The following DLC1 variants were observed in gnomAD, a reference collection of about 807,000 sequenced individuals.
DLC1 encodes rho GTPase-activating protein 7.
DLC1 carries 54 observed loss-of-function variants against 140.3 expected under a neutral mutation model. That is an observed-to-expected ratio of 0.38 (90% CI 0.31 to 0.48). DLC1 has a LOEUF of 0.48. Ranked by LOEUF, DLC1 falls within the 20% of genes least tolerant of loss-of-function variation. The probability of loss-of-function intolerance (pLI) is 0.96; values close to 1 mark genes in which losing one functional copy is unlikely to be tolerated. For missense variants in DLC1, 2,536 were observed against 1,907.0 expected (o/e 1.33, Z -6.14); for synonymous variants, 986 against 728.1 (o/e 1.35, Z -5.70).
At chr8:13,437,001 T>C (rs1025025694) in intron 2 of DLC1, among the ~76,000 whole-genome samples, 2 of 152,228 alleles carry the variant, frequency 1.3e-5, no homozygotes, top group African/African-American at 4.8e-5. Flanking sequence ...TTGGTTTTGA[T>C]ATTGTCATGT....
chr8:13,413,292 C>T (rs1394174700), intron 2 of DLC1, among the ~76,000 whole-genome samples: 13 of 46,332 alleles, frequency 2.8e-4, no homozygotes, highest in South Asian at 8.4e-4. Flanking sequence ...CATCAACTAT[C>T]GTTAGTGTTA....
intron 2 of DLC1, among the ~76,000 whole-genome samples, chr8:13,410,182 A>G (rs59738897): frequency 0.048 from 7,315 of 152,206 alleles, 572 homozygotes; most frequent in African/African-American, 0.16. Context: ...AACAAAATAA[A>G]TTAAAATTAA....
chr8:13,100,115 C>G lies in DLC1; in HGVS notation c.2222G>C (p.Ser741Thr), dbSNP rs2128937144. The G allele has an allele frequency of 6.2e-7, 1 of 1,613,634 alleles. No homozygotes were observed. The highest frequency in any genetic ancestry group is 8.5e-7 in the Non-Finnish European group (1 of 1,179,994). The change falls in exon 9 of 18, where the codon AGC becomes ACC. Residue 741 changes from serine (S) to threonine (T), a missense_variant. Ser to Thr is a moderately conservative substitution (Grantham distance 58). Coordinates refer to ENST00000276297, the MANE Select transcript of DLC1 (RefSeq NM_182643.3). The stretch of plus-strand genomic sequence containing the variant: ...GGTCTCCGACTGGCTGCTGCTGCTG[C>G]TGGTCTGCGTGGAGTTGGAAACGCT... ...KRSVSNSTQT[S>T]SSSSQSETSS...
chr8:13,398,218 G>T (rs1837135960), intron 3 of DLC1, among the ~76,000 whole-genome samples: 1 of 152,030 alleles, frequency 6.6e-6, no homozygotes, highest in Admixed American at 6.6e-5. Flanking sequence ...TTAAAGTTTG[G>T]CTTATAAAGG....
intron 2 of DLC1, among the ~76,000 whole-genome samples, chr8:13,467,100 C>T (rs1799975160): frequency 6.6e-6 from 1 of 152,174 alleles, no homozygotes; most frequent in South Asian, 2.1e-4. Context: ...TAAAGATTTA[C>T]TCCTTTGTAA....
At chr8:13,276,636 G>C (rs1188453112) in intron 5 of DLC1, 1 of 1,195,542 alleles carries the variant, frequency 8.4e-7, no homozygotes, top group East Asian at 3.8e-5. Flanking sequence ...CGCGGGGCGC[G>C]CGAGCTGCAG....
chr8:13,120,356 A>AAAAAAAAAAAATATATATATATATATAT, intron 5 of DLC1, among the ~76,000 whole-genome samples: 6 of 61,102 alleles, frequency 9.8e-5, no homozygotes, highest in East Asian at 7.2e-4. Context: ...AAAAAAAAAA[A>AAAAAAAAAAAATATATATATATATATAT]ATATATATAT....
chr8:13,386,934 G>C (rs1015590603), intron 4 of DLC1, among the ~76,000 whole-genome samples: 26 of 151,982 alleles, frequency 1.7e-4, no homozygotes, highest in Non-Finnish European at 3.2e-4. Flanking sequence ...ACTTTAATGT[G>C]ATTGCTTTGA....
chr8:13,344,972 A>C (rs1239093861), intron 4 of DLC1, among the ~76,000 whole-genome samples: 1 of 152,216 alleles, frequency 6.6e-6, no homozygotes, highest in East Asian at 1.9e-4. Context: ...AAGGGGAACG[A>C]TAAAAACAAG....
At chr8:13,188,985 G>A (rs79099991) in intron 5 of DLC1, among the ~76,000 whole-genome samples, 5 of 149,736 alleles carry the variant, frequency 3.3e-5, no homozygotes, top group East Asian at 2.0e-4. Flanking sequence ...TATCACACCC[G>A]GCCTTTATTA....
chr8:13,556,238 G>C (rs1414396415), intron 1 of DLC1, among the ~76,000 whole-genome samples: 1 of 152,104 alleles, frequency 6.6e-6, no homozygotes, highest in Non-Finnish European at 1.5e-5. Flanking sequence ...ACAGAGCTAT[G>C]ATTTTGCCCT....
intron 13 of DLC1, among the ~76,000 whole-genome samples, 194 bp from the exon 14 acceptor site, chr8:13,091,626 C>T (rs937220787): frequency 1.3e-5 from 2 of 152,120 alleles, no homozygotes; most frequent in African/African-American, 4.8e-5. Flanking sequence ...CACAAAAAAA[C>T]ATTAAAGAGA....
rs139842110 is a variant in DLC1, at chr8:13,346,045, T to C, written c.1315-40743A>G. Reference sequence around the variant, plus strand: ...TAAGTTTTGCACTGTGCATTTGTCGTTTCAGGTTTCATAAGCTAGATACTT... The same window carrying C: ...TAAGTTTTGCACTGTGCATTTGTCGCTTCAGGTTTCATAAGCTAGATACTT... On this transcript the variant is annotated intron_variant, in intron 4 of 17. Transcript: ENST00000276297. 1.6e-3 allele frequency among the ~76,000 whole-genome samples: 241 copies of C among 152,342 alleles called. 2 individuals carry two copies. Among genetic ancestry groups the C allele is most frequent in the Admixed American group, 0.011 (171 of 15,302 alleles).
chr8:13,418,024 G>A (rs1484990755), intron 2 of DLC1, among the ~76,000 whole-genome samples: 2 of 152,182 alleles, frequency 1.3e-5, no homozygotes, highest in Admixed American at 1.3e-4. Flanking sequence ...TTTGAGAAGT[G>A]TCTGTTCATA....
chr8:13,600,577 T>C (rs1805842522), intron 1 of DLC1, among the ~76,000 whole-genome samples: 1 of 151,880 alleles, frequency 6.6e-6, no homozygotes, highest in African/African-American at 2.4e-5. Flanking sequence ...ACAGATGCAG[T>C]TGAAAAAAGA....
At chr8:13,156,175 T>C (rs1412772213) in intron 5 of DLC1, among the ~76,000 whole-genome samples, 1 of 152,194 alleles carries the variant, frequency 6.6e-6, no homozygotes, top group Non-Finnish European at 1.5e-5. Context: ...TTTGGGAAGT[T>C]AGCTTGCTTA....
intron 4 of DLC1, among the ~76,000 whole-genome samples, chr8:13,348,276 G>A (rs1212382281): frequency 6.6e-6 from 1 of 152,188 alleles, no homozygotes; most frequent in Non-Finnish European, 1.5e-5. Flanking sequence ...GGCATGAGAA[G>A]TTCCATGTTG....
rs7013311 is a variant in DLC1, at chr8:13,132,845, C to T, written c.1349-17188G>A. ...AAGCGTTTAAAGAGCACAGAACAGG[C>T]ACCGACTTGACAAGGCGGGGTGACA... On this transcript the variant is annotated intron_variant, in intron 5 of 17. Coordinates refer to ENST00000276297, the MANE Select transcript of DLC1 (RefSeq NM_182643.3). 0.055 allele frequency: 78,578 copies of T among 1,421,858 alleles called. 2,656 individuals are homozygous for T. Among genetic ancestry groups the T allele is most frequent in the African/African-American group, 0.14 (10,046 of 70,904 alleles). The allele number at this position is 1,421,858 out of a possible 1,614,324, so 88.1% of individuals were successfully genotyped here.
intron 2 of DLC1, among the ~76,000 whole-genome samples, chr8:13,447,952 C>T (rs187825039): frequency 3.9e-5 from 6 of 152,156 alleles, no homozygotes; most frequent in Non-Finnish European, 7.4e-5. Context: ...TTTAGGATGG[C>T]GTGTGTGTGA....
Sources: allele counts gnomAD v4.1 joint callset (sites outside exome capture counted in the v4.1 genomes callset), GRCh38; gene constraint gnomAD v4.1.1; transcripts MANE v1.5; gene names NCBI Gene and HGNC (gene_info 2026-07-23, HGNC 2026-07-21).